The following TOX variants were observed in gnomAD, a reference collection of about 807,000 sequenced individuals.
TOX encodes thymocyte selection-associated high mobility group box protein TOX.
A neutral mutation model predicts 53.7 loss-of-function variants in TOX; 11 were observed. The ratio of observed to expected loss-of-function variants is 0.20; its 90% CI spans 0.13 to 0.34. The LOEUF is 0.34. TOX is among the 10% of genes least tolerant of loss of function. TOX has a pLI of 1.00. For synonymous variants in TOX, 225 were observed against 245.3 expected (o/e 0.92, Z 0.77); for missense variants, 570 against 664.6 (o/e 0.86, Z 1.56).
intron 1 of TOX, among the ~76,000 whole-genome samples, chr8:59,075,373 G>A (rs1030867558): frequency 4.6e-5 from 7 of 152,074 alleles, no homozygotes; most frequent in Non-Finnish European, 8.8e-5. Flanking sequence ...TCACATGAGA[G>A]GTGCCCACTG....
chr8:59,093,503 T>G (rs1236630825), intron 1 of TOX, among the ~76,000 whole-genome samples: 2 of 152,220 alleles, frequency 1.3e-5, no homozygotes, highest in Non-Finnish European at 2.9e-5. Context: ...GAACCAAGTC[T>G]TATGAATGTT....
At chr8:58,912,099 TTTGG>T (rs772733597) in intron 3 of TOX, among the ~76,000 whole-genome samples, 17 of 152,360 alleles carry the variant, frequency 1.1e-4, no homozygotes, top group Middle Eastern at 6.8e-3. Flanking sequence ...TGAAATGGAC[TTTGG>T]TTTTATTGTA....
chr8:58,950,733 T>G (rs1179215157), intron 2 of TOX, among the ~76,000 whole-genome samples: 2 of 152,060 alleles, frequency 1.3e-5, no homozygotes, highest in Non-Finnish European at 2.9e-5. Flanking sequence ...TTCCTGTAGT[T>G]TATCTTCTGG....
At chr8:58,868,504 C>T (rs139294720) in intron 3 of TOX, among the ~76,000 whole-genome samples, 289 of 152,172 alleles carry the variant, frequency 1.9e-3, no homozygotes, top group Non-Finnish European at 3.3e-3. Flanking sequence ...CAGAGTTTAT[C>T]AGCAAATGTG....
chr8:58,839,171 A>G (rs1427541255), intron 4 of TOX, among the ~76,000 whole-genome samples: 1 of 152,332 alleles, frequency 6.6e-6, no homozygotes, highest in East Asian at 1.9e-4. Flanking sequence ...GTGCTGTCCA[A>G]TGGAACTTTC....
intron 1 of TOX, among the ~76,000 whole-genome samples, chr8:59,002,859 T>C (rs1476854320): frequency 6.6e-6 from 1 of 152,214 alleles, no homozygotes; most frequent in African/African-American, 2.4e-5. Context: ...TCAAGTCAAC[T>C]AGAGCCATTT....
rs1049651560 is a variant in TOX at position 58,826,867 on chromosome 8, C to T, written c.960G>A (p.Glu320=). The change falls in exon 6 of 9, where the codon GAG becomes GAA. Residue 320 remains glutamate, a synonymous_variant. Transcript: ENST00000361421. ...TGTATGCTGCGAGTTGCTTCAGGTA[C>T]TCCTTCTTCGCAGCCTCGGTTTTCT... The part of the protein sequence containing the change: ...YKKKTEAAKK[E]YLKQLAAYRA... 3.7e-6 allele frequency: 6 copies of T among 1,612,366 alleles called. No homozygotes were observed. In the African/African-American group the frequency reaches 6.7e-5, roughly 18 times the overall value.
chr8:58,963,381 C>T (rs939832192), intron 1 of TOX, among the ~76,000 whole-genome samples: 16 of 151,930 alleles, frequency 1.1e-4, no homozygotes, highest in African/African-American at 3.6e-4. Context: ...ATCATCTATC[C>T]ATCCATCCAG....
At position 58,871,541 on chromosome 8, in the gene TOX, T is replaced by C. The variant is rs547740295; in HGVS notation, c.412-19736A>G. ...TAATAAGATGCTGACTTAAGTAATT[T>C]TGGAAATGAGAGAAGTCCATAAGAC... is the stretch of plus-strand genomic sequence containing the variant. On this transcript the variant is annotated intron_variant, in intron 3 of 8. Coordinates refer to ENST00000361421, the MANE Select transcript of TOX (RefSeq NM_014729.3). Among the ~76,000 whole-genome samples, 3 of 152,266 alleles carry C rather than the reference T, an allele frequency of 2.0e-5. No homozygotes were observed. In the East Asian group the frequency reaches 5.8e-4, roughly 29 times the overall value.
intron 2 of TOX, among the ~76,000 whole-genome samples, chr8:58,952,200 A>G (rs1393406398): frequency 6.6e-6 from 1 of 152,226 alleles, no homozygotes; most frequent in African/African-American, 2.4e-5. Flanking sequence ...ACTGTTTTTT[A>G]TAGTAAAAAT....
intron 1 of TOX, among the ~76,000 whole-genome samples, chr8:58,987,309 G>A (rs559526141): frequency 6.6e-6 from 1 of 152,312 alleles, no homozygotes; most frequent in South Asian, 2.1e-4. Flanking sequence ...GCACTGTGAG[G>A]AGAAAGGAAG....
At chr8:58,997,782 T>C (rs1488664554) in intron 1 of TOX, among the ~76,000 whole-genome samples, 1 of 152,106 alleles carries the variant, frequency 6.6e-6, no homozygotes, top group Non-Finnish European at 1.5e-5. Context: ...GGAAACCGCT[T>C]TTTGTTTTTG....
chr8:58,904,548 A>G (rs1390473224), intron 3 of TOX, among the ~76,000 whole-genome samples: 1 of 152,198 alleles, frequency 6.6e-6, no homozygotes, highest in African/African-American at 2.4e-5. Flanking sequence ...CTATTGACCC[A>G]ACATGACAAG....
intron 1 of TOX, among the ~76,000 whole-genome samples, chr8:58,978,542 T>C (rs1372451033): frequency 6.6e-6 from 1 of 152,240 alleles, no homozygotes; most frequent in Non-Finnish European, 1.5e-5. Context: ...GATGCATTAA[T>C]AGGTTTCATT....
At chr8:58,873,958 C>CTTTTTTGTTTTTTTTTTTTTTT (rs1811239981) in intron 3 of TOX, among the ~76,000 whole-genome samples, 1 of 40,128 alleles carries the variant, frequency 2.5e-5, no homozygotes, top group Non-Finnish European at 3.9e-5. Flanking sequence ...TGCCAGGAAG[C>CTTTTTTGTTTTTTTTTTTTTTT]TTTTTTTTTT....
At chr8:58,907,445 T>C (rs1452792941) in intron 3 of TOX, among the ~76,000 whole-genome samples, 1 of 152,056 alleles carries the variant, frequency 6.6e-6, no homozygotes, top group Non-Finnish European at 1.5e-5. Context: ...AATACAAAAA[T>C]TAACTGAGCT....
chr8:58,924,873 T>C (rs1057438808), intron 3 of TOX, among the ~76,000 whole-genome samples: 1 of 152,274 alleles, frequency 6.6e-6, no homozygotes, highest in African/African-American at 2.4e-5. Context: ...TTTGGCTTAC[T>C]TGGCCTGTGT....
At chr8:59,115,107 G>T (rs1201922157) in intron 1 of TOX, among the ~76,000 whole-genome samples, 2 of 151,808 alleles carry the variant, frequency 1.3e-5, no homozygotes, top group African/African-American at 4.8e-5. Context: ...TTTGTGTTTT[G>T]GACTTCCCTG....
chr8:58,950,665 A>T (rs1401531444), intron 2 of TOX, among the ~76,000 whole-genome samples: 1 of 152,196 alleles, frequency 6.6e-6, no homozygotes, highest in Non-Finnish European at 1.5e-5. Flanking sequence ...TCAGTTCCCC[A>T]GAAGTGGGAT....
Sources: allele counts gnomAD v4.1 joint callset (sites outside exome capture counted in the v4.1 genomes callset), GRCh38; gene constraint gnomAD v4.1.1; transcripts MANE v1.5; gene names NCBI Gene and HGNC (gene_info 2026-07-23, HGNC 2026-07-21).